Variants in CCDC171 observed in about 807,000 individuals in gnomAD.
CCDC171 encodes coiled-coil domain containing 171.
Under a neutral mutation model 168.2 loss-of-function variants are expected in CCDC171, and 177 were observed. That is an observed-to-expected ratio of 1.05 (90% CI 0.93 to 1.19). The LOEUF is 1.19. Ranked by LOEUF, CCDC171 falls within the 50% of genes most tolerant of loss-of-function variation. CCDC171 has a pLI of 0.00. For synonymous variants in CCDC171, 687 were observed against 540.8 expected (o/e 1.27, Z -3.75); for missense variants, 1,991 against 1,539.0 (o/e 1.29, Z -4.91).
rs745983016 is a variant in CCDC171, at chr9:15,869,227, A to T, written c.3469-5305A>T. On this transcript the variant is annotated intron_variant, in intron 23 of 25. Coordinates refer to ENST00000380701, the MANE Select transcript of CCDC171 (RefSeq NM_173550.4). ...GTACTAATTGTATTATTACTAATAGAAGTAGTATTATTATCTGTCTGTCCA... is the reference window on the plus strand; with the variant it reads ...GTACTAATTGTATTATTACTAATAGTAGTAGTATTATTATCTGTCTGTCCA... 2.0e-5 allele frequency among the ~76,000 whole-genome samples: 3 copies of T among 151,962 alleles called. No individual in the cohort carries two copies. The East Asian group carries it at 5.8e-4, about 29-fold the overall frequency.
chr9:15,941,584 G>C (rs62546561), intron 25 of CCDC171, among the ~76,000 whole-genome samples: 12 of 151,854 alleles, frequency 7.9e-5, no homozygotes, highest in Non-Finnish European at 1.8e-4. Flanking sequence ...TTATACCAAC[G>C]CTTGATATTT....
In CCDC171 at chr9:15,772,105, A is replaced by G. The variant is rs1337981540; in HGVS notation, c.2672-5495A>G. ...AGCCTTGGCCACCCAAAGTGCTGGG[A>G]TTACAGGCATAATTCACCACGCCTG... is the stretch of plus-strand genomic sequence containing the variant. On this transcript the variant is annotated intron_variant, in intron 18 of 25. Coordinates refer to ENST00000380701, the MANE Select transcript of CCDC171 (RefSeq NM_173550.4). Among the ~76,000 whole-genome samples, 4 of 152,186 alleles carry G rather than the reference A, an allele frequency of 2.6e-5. No individual in the cohort carries two copies. In the East Asian group the frequency reaches 7.7e-4, roughly 29 times the overall value.
At chr9:15,661,758 A>C (rs1200036078) in intron 8 of CCDC171, among the ~76,000 whole-genome samples, 1 of 152,138 alleles carries the variant, frequency 6.6e-6, no homozygotes, top group South Asian at 2.1e-4. Context: ...TTTGTAGTCT[A>C]TTTTTCTTTC....
chr9:16,103,463 G>C, the CCDC171 span, among the ~76,000 whole-genome samples: 1 of 152,178 alleles, frequency 6.6e-6, no homozygotes, highest in African/African-American at 2.4e-5. Flanking sequence ...GAGGGATACT[G>C]GCATAAAAGA....
chr9:15,706,185 G>C (rs2052208189), intron 11 of CCDC171, among the ~76,000 whole-genome samples: 1 of 152,070 alleles, frequency 6.6e-6, no homozygotes, highest in South Asian at 2.1e-4. Context: ...ATGTGTGTGG[G>C]GAAATCTTTT....
intron 4 of CCDC171, among the ~76,000 whole-genome samples, chr9:15,590,585 A>AATT (rs2041903457): frequency 6.6e-6 from 1 of 152,174 alleles, no homozygotes; most frequent in Non-Finnish European, 1.5e-5. Flanking sequence ...CTGGCAAAGT[A>AATT]AATAGTTACA....
the CCDC171 span, among the ~76,000 whole-genome samples, chr9:16,107,032 A>G: frequency 6.6e-6 from 1 of 152,302 alleles, no homozygotes; most frequent in Non-Finnish European, 1.5e-5. Flanking sequence ...ATAATTTCAG[A>G]CTTATAGAAA....
chr9:15,616,579 A>G (rs932004510), intron 6 of CCDC171, among the ~76,000 whole-genome samples: 5 of 152,134 alleles, frequency 3.3e-5, no homozygotes, highest in African/African-American at 1.2e-4. Context: ...ATTGCTATTT[A>G]TTTACTTTAA....
At chr9:16,043,253 G>T (rs1033901765) in intron 1 of CCDC171, among the ~76,000 whole-genome samples, 1 of 152,142 alleles carries the variant, frequency 6.6e-6, no homozygotes, top group Non-Finnish European at 1.5e-5. Flanking sequence ...TCTTGCCTCT[G>T]GAGAGTAAAA....
intron 11 of CCDC171, among the ~76,000 whole-genome samples, chr9:15,701,948 C>G (rs1009143858): frequency 6.6e-6 from 1 of 152,200 alleles, no homozygotes; most frequent in African/African-American, 2.4e-5. Flanking sequence ...GAATCACCAT[C>G]TATGGCAGCT....
chr9:15,562,908 C>T (rs199973990), intron 1 of CCDC171, among the ~76,000 whole-genome samples: 21 of 138,142 alleles, frequency 1.5e-4, no homozygotes, highest in African/African-American at 5.6e-4. Flanking sequence ...GCTTGATAGA[C>T]TCCTTGGTGC....
chr9:15,795,526 A>G (rs1247323080), intron 21 of CCDC171, among the ~76,000 whole-genome samples: 1 of 152,198 alleles, frequency 6.6e-6, no homozygotes, highest in Non-Finnish European at 1.5e-5. Context: ...GGACCAAAAC[A>G]CCAAATGATG....
chr9:15,748,366 C>T (rs1020641831), intron 18 of CCDC171, among the ~76,000 whole-genome samples: 4 of 152,070 alleles, frequency 2.6e-5, no homozygotes, highest in East Asian at 1.9e-4. Flanking sequence ...CTGAAAGTGA[C>T]GAGGAGAGTG....
At chr9:15,874,162 T>A (rs1195840451) in intron 23 of CCDC171, among the ~76,000 whole-genome samples, 2 of 152,128 alleles carry the variant, frequency 1.3e-5, no homozygotes, top group Non-Finnish European at 2.9e-5. Context: ...ACACCACATG[T>A]TACTAAGCAG....
At chr9:15,678,986 A>AT (rs1587918777) in intron 10 of CCDC171, 90 bp downstream of exon 10, 4 of 986,396 alleles carry the variant, frequency 4.1e-6, no homozygotes, top group Non-Finnish European at 6.0e-6. Flanking sequence ...ATTCCATGAG[A>AT]TAATAGTATG....
chr9:15,878,480 A>G (rs1190245061), intron 24 of CCDC171, among the ~76,000 whole-genome samples: 1 of 152,192 alleles, frequency 6.6e-6, no homozygotes, highest in Non-Finnish European at 1.5e-5. Context: ...AAAAAATAAC[A>G]GATGCTGATG....
chr9:15,992,640 G>C (rs986753844), intron 3 of CCDC171, among the ~76,000 whole-genome samples: 1 of 152,194 alleles, frequency 6.6e-6, no homozygotes, highest in Non-Finnish European at 1.5e-5. Flanking sequence ...ACTACGAAAA[G>C]AGGAAGTCAA....
At chr9:15,976,043 G>A (rs556950842), downstream of CCDC171, among the ~76,000 whole-genome samples, 1 of 152,216 alleles carries the variant, frequency 6.6e-6, no homozygotes, top group African/African-American at 2.4e-5. Flanking sequence ...GAAGATGGAG[G>A]CAGAGTCCAG....
the CCDC171 span, among the ~76,000 whole-genome samples, chr9:16,104,313 C>T: frequency 6.6e-6 from 1 of 152,122 alleles, no homozygotes; most frequent in East Asian, 1.9e-4. Flanking sequence ...CATCCCTTCT[C>T]CCTCTGTTTT....
Sources: allele counts gnomAD v4.1 joint callset (sites outside exome capture counted in the v4.1 genomes callset), GRCh38; gene constraint gnomAD v4.1.1; transcripts MANE v1.5; gene names NCBI Gene and HGNC (gene_info 2026-07-23, HGNC 2026-07-21).